PDILT: variants seen among roughly 807,000 people sequenced by gnomAD.
PDILT encodes protein disulfide isomerase like, testis expressed, also known as protein disulfide-isomerase-like protein of the testis.
In PDILT, 43 loss-of-function variants were observed where a neutral mutation model predicts 53.7. The ratio of observed to expected loss-of-function variants is 0.80; its 90% confidence interval spans 0.63 to 1.03. PDILT has a LOEUF of 1.03. Among genes scored for constraint, PDILT ranks in the 50% least tolerant of loss-of-function variants. The probability of loss-of-function intolerance (pLI) is 0.00; values close to 1 mark genes in which losing one functional copy is unlikely to be tolerated. For synonymous variants in PDILT, 282 were observed against 274.2 expected, an observed-to-expected ratio of 1.03 and a Z score of -0.28; for missense variants, 727 against 712.3, an observed-to-expected ratio of 1.02 and a Z score of -0.24.
At chr16:20,372,741 G>A in intron 7 of PDILT, 61 bp downstream of exon 7, 1 of 1,577,148 alleles carries the variant, frequency 6.3e-7, no homozygotes, top group Non-Finnish European at 8.7e-7. Context: ...ATGGGCTCAG[G>A]GTCTGCAGGT....
At chr16:20,361,807 A>G (rs1966105225) in intron 10 of PDILT, among the ~76,000 whole-genome samples, 2 of 152,136 alleles carry the variant, frequency 1.3e-5, no homozygotes, top group Admixed American at 6.5e-5. Flanking sequence ...ACTTGCAGCC[A>G]TATCTGCCCT....
intron 3 of PDILT, among the ~76,000 whole-genome samples, chr16:20,379,110 C>T (rs1966426004): frequency 6.6e-6 from 1 of 152,050 alleles, no homozygotes; most frequent in South Asian, 2.1e-4. Flanking sequence ...ATCTCCCAGG[C>T]TCAAGCCATC....
chr16:20,366,979 CCTTCCTTCCTTT>C (rs1252882561), intron 8 of PDILT, among the ~76,000 whole-genome samples: 21 of 41,230 alleles, frequency 5.1e-4, no homozygotes, highest in African/African-American at 1.3e-3. Flanking sequence ...TTCCTTCCTT[CCTTCCTTCCTTT>C]CTTTCTTTCT....
Position 20,384,817 on chromosome 16 carries a change from C to G in PDILT, c.237G>C (p.Ala79=). ...NPSSKQSRNL[A]EELGKAVEIM... Reference sequence around the variant, plus strand: ...TCTCCACAGCTTTGCCCAGCTCTTCCGCCAAGTTCCTGGATTGCTTTGAGG... The same window carrying G: ...TCTCCACAGCTTTGCCCAGCTCTTCGGCCAAGTTCCTGGATTGCTTTGAGG... Residue 79 remains alanine (A), a synonymous_variant, in exon 3 of 12, where the codon GCG becomes GCC. Transcript: ENST00000302451. 1 of 1,614,176 alleles carries G rather than the reference C, an allele frequency of 6.2e-7. No homozygotes were observed. The highest frequency in any genetic ancestry group is 8.5e-7 in the Non-Finnish European group (1 of 1,180,026).
intron 9 of PDILT, among the ~76,000 whole-genome samples, chr16:20,363,723 C>T (rs952162393): frequency 2.0e-5 from 3 of 152,042 alleles, no homozygotes; most frequent in Non-Finnish European, 2.9e-5. Context: ...TAGGTAATTA[C>T]ATGTCATGTT....
At chr16:20,397,005 C>A (rs985507911) in intron 2 of PDILT, among the ~76,000 whole-genome samples, 4 of 152,094 alleles carry the variant, frequency 2.6e-5, no homozygotes, top group Non-Finnish European at 4.4e-5. Context: ...AGAAAACTGG[C>A]GAGGATGATG....
intron 8 of PDILT, among the ~76,000 whole-genome samples, chr16:20,368,409 AAAG>A (rs1328246396): frequency 2.6e-5 from 4 of 152,234 alleles, no homozygotes; most frequent in East Asian, 1.9e-4. Context: ...TTGGAATTGG[AAAG>A]AAGGACAGCA....
In PDILT at chr16:20,384,810, G is replaced by A. The variant is rs1966511625; in HGVS notation, c.244C>T (p.Leu82=). The change falls in exon 3 of 12, where the codon CTG becomes TTG. Residue 82 remains leucine, a synonymous_variant. Transcript: ENST00000302451. ...SKQSRNLAEE[L]GKAVEIMGKG... is the part of the protein sequence containing the mutation. ...CCCATGATCTCCACAGCTTTGCCCA[G>A]CTCTTCCGCCAAGTTCCTGGATTGC... 1.2e-6 allele frequency: 2 copies of A among 1,614,040 alleles called. No homozygotes were observed.
At chr16:20,389,488 T>C (rs973581582) in intron 2 of PDILT, among the ~76,000 whole-genome samples, 7 of 152,168 alleles carry the variant, frequency 4.6e-5, no homozygotes, top group Admixed American at 3.9e-4. Context: ...GAGGGTCCCA[T>C]GGCAATGTCA....
intron 8 of PDILT, among the ~76,000 whole-genome samples, chr16:20,366,932 A>ATTCT (rs1567320206): frequency 7.2e-6 from 1 of 137,970 alleles, no homozygotes; most frequent in Admixed American, 7.2e-5. Flanking sequence ...AGGAAACCAA[A>ATTCT]TTCTTTCCTT....
At chr16:20,389,536 A>G (rs1428520039) in intron 2 of PDILT, among the ~76,000 whole-genome samples, 1 of 152,168 alleles carries the variant, frequency 6.6e-6, no homozygotes, top group Non-Finnish European at 1.5e-5. Flanking sequence ...ATGAAAGGGA[A>G]CAACAGTGAC....
intron 8 of PDILT, among the ~76,000 whole-genome samples, chr16:20,366,980 C>CTATTTATTTA (rs1567320425): frequency 2.2e-5 from 1 of 44,868 alleles, no homozygotes; most frequent in South Asian, 5.0e-4. Flanking sequence ...TCCTTCCTTC[C>CTATTTATTTA]TTCCTTCCTT....
chr16:20,396,578 C>G (rs1966665254), intron 2 of PDILT, among the ~76,000 whole-genome samples: 1 of 152,226 alleles, frequency 6.6e-6, no homozygotes, highest in Non-Finnish European at 1.5e-5. Flanking sequence ...CCCTCGTGCA[C>G]TCAAAGACAT....
At chr16:20,371,127 C>G (rs1966301002) in intron 7 of PDILT, among the ~76,000 whole-genome samples, 2 of 152,198 alleles carry the variant, frequency 1.3e-5, no homozygotes, top group South Asian at 4.2e-4. Flanking sequence ...GGAACCGGAC[C>G]CCTTTCCAGT....
intron 2 of PDILT, among the ~76,000 whole-genome samples, chr16:20,395,227 A>T (rs371175695): frequency 1.3e-5 from 2 of 152,222 alleles, no homozygotes; most frequent in South Asian, 2.1e-4. Context: ...AAGAGGTTGG[A>T]AACCTAAAAC....
rs1567320367 is a variant in PDILT, at chr16:20,366,977, TTC to T, written c.1117-1439_1117-1438del. Among the ~76,000 whole-genome samples the T allele has an allele frequency of 2.6e-3, 150 of 58,810 alleles. 4 individuals are homozygous for T. Among genetic ancestry groups the T allele is most frequent in the African/African-American group, 5.0e-3 (105 of 20,830 alleles). The allele number at this position is 58,810 out of a possible 152,430, so 38.6% of individuals were successfully genotyped here. ...CTTCCTTCCTTCCTTCCTTCCTTCC[TTC>T]CTTCCTTCCTTTCTTTCTTTCTTTA... On this transcript the variant is annotated intron_variant, in intron 8 of 11. Transcript: ENST00000302451.
chr16:20,367,031 CTTTCTTTCTTTCTTTCTT>C (rs1966211642), intron 8 of PDILT, among the ~76,000 whole-genome samples: 15 of 10,084 alleles, frequency 1.5e-3, no homozygotes, highest in African/African-American at 4.4e-3. Flanking sequence ...TTTCTTCTTT[CTTTCTTTCTTTCTTTCTT>C]TCTTTCTTTC....
chr16:20,387,235 T>G (rs1195322842), intron 2 of PDILT, among the ~76,000 whole-genome samples: 2 of 152,188 alleles, frequency 1.3e-5, no homozygotes, highest in African/African-American at 4.8e-5. Flanking sequence ...CTGTGTTAGA[T>G]AATATGTGCT....
Position 20,373,116 on chromosome 16 carries a change from T to A in PDILT, c.688A>T (p.Ile230Phe). The change falls in exon 6 of 12, where the codon ATT becomes TTT. Residue 230 changes from isoleucine (I) to phenylalanine (F), a missense_variant. Physicochemically the swap from Ile to Phe is conservative, Grantham distance 21. Transcript: ENST00000302451. ...TTAATAAGCTTTTGGCGGTTCACAA[T>A]TTTTCCCTTGTACAAAAGGAGAAAC... is the stretch of plus-strand genomic sequence containing the variant. ...DSVLVFKKGK[I>F]VNRQKLINDS... The A allele has an allele frequency of 6.2e-7, 1 of 1,613,540 alleles. No homozygotes were observed. Among genetic ancestry groups the A allele is most frequent in the Non-Finnish European group, 8.5e-7 (1 of 1,179,520 alleles).
Sources: allele counts gnomAD v4.1 joint callset (sites outside exome capture counted in the v4.1 genomes callset), GRCh38; gene constraint gnomAD v4.1.1; transcripts MANE v1.5; gene names NCBI Gene and HGNC (gene_info 2026-07-23, HGNC 2026-07-21).